The following BORCS5 variants were observed in gnomAD, a reference collection of about 807,000 sequenced individuals.
The protein encoded by BORCS5 is BLOC-1-related complex subunit 5.
In BORCS5, 17 loss-of-function variants were observed where a neutral mutation model predicts 22.1. That is an observed-to-expected ratio of 0.77 (90% CI 0.53 to 1.15). The LOEUF (loss-of-function observed/expected upper bound fraction) is 1.15, where lower values mean the gene tolerates loss of function less well. Ranked by LOEUF, BORCS5 falls within the 50% of genes most tolerant of loss-of-function variation. The probability of loss-of-function intolerance (pLI) is 0.00; values close to 1 mark genes in which losing one functional copy is unlikely to be tolerated. For missense variants in BORCS5, 247 were observed against 253.2 expected (o/e 0.98, Z 0.17); for synonymous variants, 117 against 99.8 (o/e 1.17, Z -1.03).
chr12:12,386,532 A>G lies in BORCS5; in HGVS notation c.202+25183A>G, dbSNP rs1474618435. On this transcript the variant is annotated intron_variant, in intron 2 of 3. Coordinates refer to ENST00000314565, the MANE Select transcript of BORCS5 (RefSeq NM_058169.6). ...TGCTTTTTCTCCCAGGCTCTAGTGC[A>G]GTGTTATGATCTTGGCTCACTGCAA... Among the ~76,000 whole-genome samples, 13 of 148,638 alleles carry G rather than the reference A, an allele frequency of 8.7e-5. 1 individual carries two copies. Among genetic ancestry groups the G allele is most frequent in the Non-Finnish European group, 1.8e-4 (12 of 67,166 alleles).
intron 3 of BORCS5, among the ~76,000 whole-genome samples, chr12:12,457,792 T>G (rs1013334077): frequency 6.6e-6 from 1 of 152,216 alleles, no homozygotes. Context: ...ATTGCAAATT[T>G]AAGCCAGTGG....
At position 12,465,683 on chromosome 12, in the gene BORCS5, T is replaced by C. The variant is rs981097845; in HGVS notation, c.498T>C (p.Thr166=). ...GCATACAGATGGGCATCGACCAGAC[T>C]GTGCCCCTGCTGGACAGGCTCAACA... ...LRRIQMGIDQ[T]VPLLDRLNSM... is the part of the protein sequence containing the mutation. The change falls in exon 4 of 4, where the codon ACT becomes ACC. Residue 166 remains threonine, a synonymous_variant. Coordinates refer to ENST00000314565, the MANE Select transcript of BORCS5 (RefSeq NM_058169.6). 3 of 1,614,142 alleles carry C rather than the reference T, an allele frequency of 1.9e-6. No homozygotes were observed. Among genetic ancestry groups the C allele is most frequent in the Non-Finnish European group, 2.5e-6 (3 of 1,180,052 alleles).
intron 3 of BORCS5, among the ~76,000 whole-genome samples, chr12:12,451,318 G>A (rs959520910): frequency 1.3e-5 from 2 of 152,092 alleles, no homozygotes; most frequent in Non-Finnish European, 2.9e-5. Flanking sequence ...AGAGAAAAAC[G>A]TCATAATGTT....
intron 2 of BORCS5, among the ~76,000 whole-genome samples, chr12:12,373,120 C>T (rs1034215300): frequency 6.6e-6 from 1 of 152,130 alleles, no homozygotes; most frequent in African/African-American, 2.4e-5. Flanking sequence ...ATGGGAGTCA[C>T]GCCCTTACAA....
chr12:12,360,763 C>CTTG (rs1863264678), intron 1 of BORCS5, among the ~76,000 whole-genome samples: 1 of 151,778 alleles, frequency 6.6e-6, no homozygotes, highest in South Asian at 2.1e-4. Context: ...CTCTGTTGCC[C>CTTG]AGGCTCAAGT....
chr12:12,429,476 C>G (rs1191218663), intron 2 of BORCS5, among the ~76,000 whole-genome samples: 1 of 152,074 alleles, frequency 6.6e-6, no homozygotes, highest in African/African-American at 2.4e-5. Flanking sequence ...TATGGAGATT[C>G]CTATGAGTCA....
intron 2 of BORCS5, among the ~76,000 whole-genome samples, chr12:12,372,165 G>T (rs764264713): frequency 6.6e-6 from 1 of 151,810 alleles, no homozygotes; most frequent in Non-Finnish European, 1.5e-5. Flanking sequence ...TTAGTCTCCT[G>T]AGTAGCTGGG....
chr12:12,413,630 G>A (rs1267359921), intron 2 of BORCS5, among the ~76,000 whole-genome samples: 1 of 134,068 alleles, frequency 7.5e-6, no homozygotes, highest in East Asian at 2.1e-4. Flanking sequence ...CGGGCAGAGG[G>A]GCTCCTCACT....
chr12:12,414,266 T>G (rs1941846273), intron 2 of BORCS5, among the ~76,000 whole-genome samples: 1 of 51,260 alleles, frequency 2.0e-5, no homozygotes. Flanking sequence ...GGCTCCTCAC[T>G]TCCCAGTAGG....
chr12:12,402,602 T>G (rs971886997), intron 2 of BORCS5, among the ~76,000 whole-genome samples: 8 of 152,240 alleles, frequency 5.3e-5, no homozygotes, highest in Non-Finnish European at 1.0e-4. Context: ...GCTCAACATC[T>G]GATCAGAAGC....
intron 3 of BORCS5, among the ~76,000 whole-genome samples, chr12:12,455,207 A>G (rs552371474): frequency 6.6e-6 from 1 of 152,332 alleles, no homozygotes; most frequent in East Asian, 1.9e-4. Context: ...AATCCACCCA[A>G]AGAAAGAACA....
chr12:12,421,798 G>T (rs961622881), intron 2 of BORCS5, among the ~76,000 whole-genome samples: 3 of 152,116 alleles, frequency 2.0e-5, no homozygotes, highest in African/African-American at 7.2e-5. Flanking sequence ...ATGTGTCCAG[G>T]AATTTATCCA....
intron 2 of BORCS5, among the ~76,000 whole-genome samples, chr12:12,364,403 T>G (rs1349452120): frequency 6.6e-6 from 1 of 151,808 alleles, no homozygotes; most frequent in African/African-American, 2.4e-5. Context: ...AGAGAAAGTA[T>G]ATTAACTATT....
At chr12:12,424,059 C>G (rs937264243) in intron 2 of BORCS5, among the ~76,000 whole-genome samples, 6 of 152,134 alleles carry the variant, frequency 3.9e-5, no homozygotes, top group Non-Finnish European at 8.8e-5. Flanking sequence ...TGTTGAGCTT[C>G]TTGGATGTTT....
intron 2 of BORCS5, among the ~76,000 whole-genome samples, chr12:12,425,700 A>C (rs1942269107): frequency 6.6e-6 from 1 of 152,120 alleles, no homozygotes; most frequent in Admixed American, 6.5e-5. Context: ...TTATCTTTTT[A>C]AATTTAGCTC....
intron 2 of BORCS5, among the ~76,000 whole-genome samples, chr12:12,378,906 C>T (rs1275115398): frequency 6.6e-6 from 1 of 150,878 alleles, no homozygotes; most frequent in Non-Finnish European, 1.5e-5. Context: ...GTGTGTGCCA[C>T]CACTCCCAGC....
At chr12:12,450,048 G>C (rs1224311130) in intron 3 of BORCS5, among the ~76,000 whole-genome samples, 1 of 152,196 alleles carries the variant, frequency 6.6e-6, no homozygotes, top group Non-Finnish European at 1.5e-5. Flanking sequence ...CTTCACTTTA[G>C]ATCATAGTTT....
At chr12:12,449,421 T>C (rs893520557) in intron 3 of BORCS5, among the ~76,000 whole-genome samples, 1 of 152,228 alleles carries the variant, frequency 6.6e-6, no homozygotes, top group Non-Finnish European at 1.5e-5. Flanking sequence ...CTGCCATCAA[T>C]GCCATTTGCA....
rs1302163042 is a variant in BORCS5 at position 12,357,505 on chromosome 12, C to G, written c.54C>G (p.Ser18=). Residue 18 remains serine (S), a synonymous_variant, in exon 1 of 4, where the codon TCC becomes TCG. Coordinates refer to ENST00000314565, the MANE Select transcript of BORCS5 (RefSeq NM_058169.6). ...AGAGCCGACCCAACGATCTGAACTCCTCAGGTCGGTGTCCTAACCTCCCAC... is the reference window on the plus strand; with the variant it reads ...AGAGCCGACCCAACGATCTGAACTCGTCAGGTCGGTGTCCTAACCTCCCAC... The part of the protein sequence containing the change: ...EAESRPNDLN[S]SVTPSPAKHR... The G allele has an allele frequency of 1.9e-6, 3 of 1,609,268 alleles. No homozygotes were observed. The highest frequency in any genetic ancestry group is 2.6e-6 in the Non-Finnish European group (3 of 1,176,112).
Sources: gnomAD v4.1 joint callset for allele counts (sites outside exome capture counted in the v4.1 genomes callset) on GRCh38, gnomAD v4.1.1 for gene constraint, MANE v1.5 for transcripts, NCBI Gene and HGNC (gene_info 2026-07-23, HGNC 2026-07-21) for gene names.